Variants in SLC2A1 observed in about 807,000 individuals in gnomAD.
SLC2A1 encodes solute carrier family 2 member 1, also known as solute carrier family 2, facilitated glucose transporter member 1.
Under a neutral mutation model 46.6 loss-of-function variants are expected in SLC2A1, and 4 were observed. The observed-to-expected ratio is 0.09, with a 90% confidence interval of 0.04 to 0.20. SLC2A1 has a LOEUF of 0.20. Ranked by LOEUF, SLC2A1 falls within the 10% of genes least tolerant of loss-of-function variation. The pLI is 1.00. For missense variants in SLC2A1, 352 were observed against 667.0 expected (o/e 0.53, Z 5.20); for synonymous variants, 253 against 270.0 (o/e 0.94, Z 0.62).
At chr1:42,950,977 A>C (rs1372947836) in intron 1 of SLC2A1, among the ~76,000 whole-genome samples, 1 of 152,210 alleles carries the variant, frequency 6.6e-6, no homozygotes, top group Non-Finnish European at 1.5e-5. Context: ...CTCCGTCTCA[A>C]AAAAAAGTCT....
chr1:42,944,379 G>A (rs898955352), intron 1 of SLC2A1, among the ~76,000 whole-genome samples: 2 of 152,156 alleles, frequency 1.3e-5, no homozygotes, highest in African/African-American at 4.8e-5. Flanking sequence ...CATTAGGCAG[G>A]CCTTTAACTG....
Position 42,930,788 on chromosome 1 carries a change from G to C in SLC2A1, c.354C>G (p.Ser118=), listed in dbSNP as rs1393465480. ...AGCGGCCCAGGATCAGCATCTCAAA[G>C]GACTTGCCCAGTTTCGAGAAGCCCA... ...VLMGFSKLGK[S]FEMLILGRFI... Residue 118 remains serine, a synonymous_variant, in exon 4 of 10, where the codon TCC becomes TCG. Transcript: ENST00000426263. This position sits in a 1 kb window ranked among gnomAD's most constrained non-coding sequence, Gnocchi z 6.2. 1 of 1,602,864 alleles carries C rather than the reference G, an allele frequency of 6.2e-7. No individual in the cohort carries two copies. The highest frequency in any genetic ancestry group is 8.5e-7 in the Non-Finnish European group (1 of 1,179,958).
Position 42,931,157 on chromosome 1 carries a change from C to T in SLC2A1, c.164G>A (p.Ser55Asn). The T allele has an allele frequency of 1.2e-6, 2 of 1,614,088 alleles. No individual in the cohort carries two copies. Among genetic ancestry groups the T allele is most frequent in the Admixed American group, 1.7e-5 (1 of 60,026 alleles). Reference sequence around the variant, plus strand: ...CGTGGTGAGCGTGGTGGGCAGGATGCTCTCCCCATAGCGGTGGACCCATGT... The same window carrying T: ...CGTGGTGAGCGTGGTGGGCAGGATGTTCTCCCCATAGCGGTGGACCCATGT... ...NQTWVHRYGE[S>N]ILPTTLTTLW... The change falls in exon 3 of 10, where the codon AGC (serine) becomes AAC (asparagine). Residue 55 changes from serine to asparagine, a missense_variant. Transcript: ENST00000426263.
At chr1:42,934,122 T>C (rs1643519179) in intron 2 of SLC2A1, among the ~76,000 whole-genome samples, 1 of 152,192 alleles carries the variant, frequency 6.6e-6, no homozygotes, top group East Asian at 1.9e-4. Context: ...TGAAGATCTC[T>C]TGAGATGTTG....
intron 1 of SLC2A1, among the ~76,000 whole-genome samples, chr1:42,944,360 G>A (rs1034975620): frequency 6.6e-6 from 1 of 152,146 alleles, no homozygotes; most frequent in Non-Finnish European, 1.5e-5. Context: ...AGGAAGTCAG[G>A]AAATGTGACA....
At chr1:42,958,460 CG>C (rs1485420239) in intron 1 of SLC2A1, among the ~76,000 whole-genome samples, 173 bp downstream of exon 1, 1 of 150,552 alleles carries the variant, frequency 6.6e-6, no homozygotes, top group African/African-American at 2.4e-5. Flanking sequence ...CTGCGGCCAG[CG>C]GCCCGGCGGG....
intron 2 of SLC2A1, among the ~76,000 whole-genome samples, chr1:42,939,337 G>A (rs1643573564): frequency 6.6e-6 from 1 of 152,260 alleles, no homozygotes; most frequent in Non-Finnish European, 1.5e-5. Context: ...AAAGTCAACA[G>A]ACCAAGTGTC....
chr1:42,926,933 CCGGCT>C lies in SLC2A1; in HGVS notation c.*103_*107del. On this transcript the variant is annotated 3_prime_UTR_variant, in exon 10 of 10. Coordinates refer to ENST00000426263, the MANE Select transcript of SLC2A1 (RefSeq NM_006516.4). ...CTGGCTGGAGAAAGGAGCCCCAGGC[CCGGCT>C]CGGCTGACATCTGTCAGGTTTGGAA... 1 of 1,540,108 alleles carries C rather than the reference CCGGCT, an allele frequency of 6.5e-7. No homozygotes were observed. The highest frequency in any genetic ancestry group is 8.7e-7 in the Non-Finnish European group (1 of 1,146,992).
chr1:42,933,509 C>T (rs1423598890), intron 2 of SLC2A1, among the ~76,000 whole-genome samples: 1 of 152,186 alleles, frequency 6.6e-6, no homozygotes, highest in Non-Finnish European at 1.5e-5. Context: ...ATGGAGGAAT[C>T]GAACCAAAGG....
intron 1 of SLC2A1, among the ~76,000 whole-genome samples, chr1:42,958,275 C>T (rs1219610376): frequency 2.6e-5 from 4 of 151,298 alleles, no homozygotes; most frequent in African/African-American, 7.3e-5. Context: ...GGGGCCGAGG[C>T]TGGGCTGCTG....
chr1:42,948,621 C>T (rs1643683062), intron 1 of SLC2A1, among the ~76,000 whole-genome samples: 1 of 152,152 alleles, frequency 6.6e-6, no homozygotes, highest in African/African-American at 2.4e-5. Flanking sequence ...AAATGAACTT[C>T]TGGGCATTAA....
At position 42,927,112 on chromosome 1, in the gene SLC2A1, C is replaced by G. The variant is rs572648977; in HGVS notation, c.1408G>C (p.Gly470Arg). Residue 470 changes from glycine to arginine, a missense_variant, in exon 10 of 10, where the codon GGG (glycine) becomes CGG (arginine). Physicochemically the swap from Gly to Arg is moderately radical, Grantham distance 125 (BLOSUM62 -2). Coordinates refer to ENST00000426263, the MANE Select transcript of SLC2A1 (RefSeq NM_006516.4). This position sits in a 1 kb window ranked among gnomAD's most constrained non-coding sequence, Gnocchi z 5.3. ...GTCTTGTCACTTTGGCTGGCTCCCC[C>G]CTGCCGGAAGCCGGAAGCGATCTCA... is the stretch of plus-strand genomic sequence containing the variant. ...FDEIASGFRQ[G>R]GASQSDKTPE... 6.9e-5 allele frequency: 112 copies of G among 1,614,178 alleles called. No individual in the cohort carries two copies. Among genetic ancestry groups the G allele is most frequent in the Admixed American group, 2.0e-4 (12 of 60,030 alleles).
intron 2 of SLC2A1, chr1:42,943,024 T>A: frequency 1.6e-6 from 1 of 623,126 alleles, no homozygotes; most frequent in Non-Finnish European, 2.9e-6. Flanking sequence ...GGACCTGAGA[T>A]TCTAGAATTC....
chr1:42,940,776 T>C (rs1204979642), intron 2 of SLC2A1, among the ~76,000 whole-genome samples: 1 of 151,990 alleles, frequency 6.6e-6, no homozygotes, highest in African/African-American at 2.4e-5. Context: ...TATTCCACAG[T>C]CTCCCTAGAA....
intron 1 of SLC2A1, among the ~76,000 whole-genome samples, chr1:42,956,679 G>C (rs531932598): frequency 6.6e-6 from 1 of 152,318 alleles, no homozygotes; most frequent in East Asian, 1.9e-4. Context: ...GGTAGACAGT[G>C]GAAAACTTGG....
intron 2 of SLC2A1, among the ~76,000 whole-genome samples, chr1:42,937,839 C>T (rs534394398): frequency 3.3e-5 from 5 of 152,136 alleles, no homozygotes; most frequent in African/African-American, 7.2e-5. Context: ...GCCTAGAGCA[C>T]GAAGCCCAGT....
intron 2 of SLC2A1, among the ~76,000 whole-genome samples, chr1:42,937,956 C>T (rs1570598157): frequency 6.6e-6 from 1 of 152,310 alleles, no homozygotes; most frequent in Non-Finnish European, 1.5e-5. Flanking sequence ...CTCTGCAGAC[C>T]AGGTTCCTCC....
In SLC2A1 at chr1:42,931,120, G is replaced by A; in HGVS notation, c.201C>T (p.Leu67=). 6.2e-7 allele frequency: 1 copy of A among 1,614,214 alleles called. No individual in the cohort carries two copies. Among genetic ancestry groups the A allele is most frequent in the Non-Finnish European group, 8.5e-7 (1 of 1,180,034 alleles). The change falls in exon 3 of 10, where the codon CTC becomes CTT. Residue 67 remains leucine (L), a synonymous_variant. Coordinates refer to ENST00000426263, the MANE Select transcript of SLC2A1 (RefSeq NM_006516.4). ...LPTTLTTLWS[L]SVAIFSVGGM... ...CCCCAACAGAAAAGATGGCCACTGA[G>A]AGGGACCAGAGCGTGGTGAGCGTGG...
Position 42,930,430 on chromosome 1 carries a change from A to T in SLC2A1, c.516+196T>A. 1.3e-6 allele frequency: 1 copy of T among 787,794 alleles called. No homozygotes were observed. The highest frequency in any genetic ancestry group is 2.2e-6 in the Non-Finnish European group (1 of 451,780). 48.8% of individuals were successfully genotyped at this position (787,794 alleles called of 1,614,324 possible). ...GCCTAGAGTGAGAAGAAAGGGACTGAGAAGAGTCAAGTCATCTTGCTGTCA... is the reference window on the plus strand; with the variant it reads ...GCCTAGAGTGAGAAGAAAGGGACTGTGAAGAGTCAAGTCATCTTGCTGTCA... On this transcript the variant is annotated intron_variant, in intron 4 of 9. Transcript: ENST00000426263. The surrounding 1 kb of genome is among the most constrained non-coding windows in gnomAD (Gnocchi z 6.2).
Sources: gnomAD v4.1 joint callset for allele counts (sites outside exome capture counted in the v4.1 genomes callset) on GRCh38, gnomAD v4.1.1 for gene constraint, Gnocchi (gnomAD v3.1) non-coding constraint, MANE v1.5 for transcripts, NCBI Gene and HGNC (gene_info 2026-07-23, HGNC 2026-07-21) for gene names.